Variants in TAF5 observed in about 807,000 individuals in gnomAD.
The protein encoded by TAF5 is TATA-box binding protein associated factor 5.
TAF5 carries 20 observed loss-of-function variants against 80.9 expected under a neutral mutation model. The ratio of observed to expected loss-of-function variants is 0.25; its 90% CI spans 0.17 to 0.36. TAF5 has a LOEUF of 0.36. Ranked by LOEUF, TAF5 falls within the 10% of genes least tolerant of loss-of-function variation. TAF5 has a pLI of 1.00. For synonymous variants in TAF5, 388 were observed against 406.4 expected (o/e 0.95, Z 0.55); for missense variants, 863 against 1,029.4 (o/e 0.84, Z 2.21).
chr10:103,382,707 G>C (rs1365556094), intron 6 of TAF5, among the ~76,000 whole-genome samples: 2 of 151,078 alleles, frequency 1.3e-5, no homozygotes, highest in Admixed American at 1.3e-4. Flanking sequence ...GAATGCAGTG[G>C]TGTGATCACG....
intron 7 of TAF5, among the ~76,000 whole-genome samples, chr10:103,384,891 A>C (rs183105312): frequency 1.1e-4 from 16 of 152,166 alleles, no homozygotes; most frequent in Admixed American, 7.8e-4. Flanking sequence ...TTTCCTTTTT[A>C]ATTCTTACAT....
intron 7 of TAF5, 72 bp from the exon 8 acceptor site, chr10:103,385,254 A>G: frequency 8.3e-7 from 1 of 1,209,454 alleles, no homozygotes; most frequent in Admixed American, 2.1e-5. Context: ...AATGTATTCA[A>G]ATGTATATAA....
At chr10:103,373,318 A>G (rs1186836673) in intron 1 of TAF5, 40 bp from the exon 2 acceptor site, 1 of 1,548,304 alleles carries the variant, frequency 6.5e-7, no homozygotes, top group Non-Finnish European at 8.9e-7. Flanking sequence ...ACATGGTCAT[A>G]ATAGGTCATT....
At chr10:103,386,277 G>GAA (rs1025452165) in intron 8 of TAF5, among the ~76,000 whole-genome samples, 5 of 144,636 alleles carry the variant, frequency 3.5e-5, no homozygotes, top group African/African-American at 1.3e-4. Flanking sequence ...CGTCTCTACT[G>GAA]AAAAAAAAAA....
At chr10:103,382,879 C>T (rs1006168456) in intron 6 of TAF5, among the ~76,000 whole-genome samples, 1 of 152,128 alleles carries the variant, frequency 6.6e-6, no homozygotes, top group African/African-American at 2.4e-5. Context: ...CTCCTCTGGG[C>T]TCAAGCAATC....
At chr10:103,387,959 G>A (rs2093401546) in intron 10 of TAF5, 47 bp from the exon 11 acceptor site, 3 of 1,548,844 alleles carry the variant, frequency 1.9e-6, no homozygotes, top group South Asian at 2.3e-5. Flanking sequence ...ATGTCCGAAT[G>A]TAAATATGAT....
chr10:103,381,937 A>T, intron 6 of TAF5, 96 bp downstream of exon 6: 1 of 1,509,636 alleles, frequency 6.6e-7, no homozygotes, highest in South Asian at 1.2e-5. Context: ...TCTTTACAGA[A>T]ATTCACTTGA....
rs143401252 is a variant in TAF5 at position 103,378,290 on chromosome 10, C to G, written c.853C>G (p.Leu285Val). The change falls in exon 3 of 11, where the codon CTT becomes GTT. Residue 285 changes from leucine to valine, a missense_variant. Around this residue, in one of 3 missense-constraint regions of TAF5, gnomAD observed 128 missense variants for 232.2 expected, o/e 0.55. Transcript: ENST00000369839. The surrounding 1 kb of genome is among the most constrained non-coding windows in gnomAD (Gnocchi z 4.1). Reference protein sequence around the residue: ...YQDDLRVLSSLTKKEHMKGNE... With the variant: ...YQDDLRVLSSVTKKEHMKGNE... Reference sequence around the variant, plus strand: ...GGATGACCTACGAGTATTATCTAGTCTTACCAAAAAGGAACACATGAAAGG... The same window carrying G: ...GGATGACCTACGAGTATTATCTAGTGTTACCAAAAAGGAACACATGAAAGG... The G allele has an allele frequency of 4.3e-4, 696 of 1,614,132 alleles. 4 individuals are homozygous for G. The highest frequency in any genetic ancestry group is 4.7e-4 in the East Asian group (21 of 44,890).
At chr10:103,376,842 G>A (rs568242516) in intron 2 of TAF5, among the ~76,000 whole-genome samples, 7 of 152,220 alleles carry the variant, frequency 4.6e-5, no homozygotes, top group East Asian at 1.9e-4. Context: ...TCAGGAGTTC[G>A]AGACCATCCT....
At chr10:103,375,119 C>CAAAAAA (rs914374305) in intron 2 of TAF5, among the ~76,000 whole-genome samples, 23 of 80,546 alleles carry the variant, frequency 2.9e-4, no homozygotes, top group Non-Finnish European at 3.8e-4. Context: ...GACCCTGTCT[C>CAAAAAA]AAAAAAAAAA....
At position 103,385,378 on chromosome 10, in the gene TAF5, C is replaced by G. The variant is rs757833303; in HGVS notation, c.1717C>G (p.Gln573Glu). 1 of 1,613,932 alleles carries G rather than the reference C, an allele frequency of 6.2e-7. No individual in the cohort carries two copies. The highest frequency in any genetic ancestry group is 1.1e-5 in the South Asian group (1 of 91,064). ...CGGAACTGTTAGATTGTGGAGCCTT[C>G]AAACATTTACTTGTTTGGTGGGATA... ...EDGTVRLWSL[Q>E]TFTCLVGYKG... The change falls in exon 8 of 11, where the codon CAA becomes GAA. Residue 573 changes from glutamine (Q) to glutamate (E), a missense_variant. By Grantham distance (29) the Gln-to-Glu change is conservative. Transcript: ENST00000369839.
intron 2 of TAF5, 62 bp downstream of exon 2, chr10:103,373,657 A>G (rs901707769): frequency 1.5e-5 from 19 of 1,249,444 alleles, no homozygotes; most frequent in Middle Eastern, 2.1e-4. Flanking sequence ...GTGCGTGCAT[A>G]TGTTTTCACA....
At position 103,373,229 on chromosome 10, in the gene TAF5, G is replaced by A. The variant is rs540093109; in HGVS notation, c.560-129G>A. Reference sequence around the variant, plus strand: ...AAAAAAAAGATTATGTGATTGTGTTGAGGAAGAGACAGTGGGAAGAAAGAG... The same window carrying A: ...AAAAAAAAGATTATGTGATTGTGTTAAGGAAGAGACAGTGGGAAGAAAGAG... On this transcript the variant is annotated intron_variant, in intron 1 of 10. Coordinates refer to ENST00000369839, the MANE Select transcript of TAF5 (RefSeq NM_006951.5). The A allele has an allele frequency of 1.2e-3, 836 of 716,634 alleles. 6 individuals carry two copies. Among genetic ancestry groups the A allele is most frequent in the Admixed American group, 2.1e-3 (83 of 38,860 alleles). 44.4% of individuals were successfully genotyped at this position (716,634 alleles called of 1,614,324 possible).
chr10:103,376,272 G>A (rs2093369867), intron 2 of TAF5, among the ~76,000 whole-genome samples: 1 of 151,858 alleles, frequency 6.6e-6, no homozygotes, highest in East Asian at 2.0e-4. Flanking sequence ...TGTATTTTTA[G>A]TAGAGACAGG....
At chr10:103,381,490 C>T (rs1182322109) in intron 5 of TAF5, among the ~76,000 whole-genome samples, 2 of 152,098 alleles carry the variant, frequency 1.3e-5, no homozygotes, top group Non-Finnish European at 2.9e-5. Flanking sequence ...TGGTCTTGAA[C>T]TCCTAACCTC....
At position 103,378,088 on chromosome 10, in the gene TAF5, TGA is replaced by T. The variant is rs558241426; in HGVS notation, c.798-145_798-144del. ...AAACTGAATTATAGTCATTTTGAAA[TGA>T]GTTACTTCTTATCCTACAGCTTAGT... On this transcript the variant is annotated intron_variant, in intron 2 of 10. Transcript: ENST00000369839. The surrounding 1 kb of genome is among the most constrained non-coding windows in gnomAD (Gnocchi z 4.1). The T allele has an allele frequency of 3.8e-4, 226 of 597,726 alleles. 1 individual carries two copies. The South Asian group carries it at 5.7e-3, about 15-fold the overall frequency. The allele number at this position is 597,726 out of a possible 1,614,324, so 37.0% of individuals were successfully genotyped here. A position where few individuals can be genotyped will look rare whatever the true frequency, so the allele number is the denominator to read the frequency against.
chr10:103,379,288 T>C (rs562129648), intron 3 of TAF5, among the ~76,000 whole-genome samples: 1 of 152,330 alleles, frequency 6.6e-6, no homozygotes. Flanking sequence ...AAAAGGCATA[T>C]CTCTGCTGAA....
intron 7 of TAF5, among the ~76,000 whole-genome samples, chr10:103,383,835 C>T (rs1307990100): frequency 1.3e-5 from 2 of 152,114 alleles, no homozygotes; most frequent in East Asian, 3.9e-4. Flanking sequence ...ACCTCAGCCT[C>T]CCAAAGTGCT....
chr10:103,380,145 T>C, intron 5 of TAF5, 126 bp downstream of exon 5: 4 of 1,138,180 alleles, frequency 3.5e-6, no homozygotes, highest in South Asian at 1.7e-5. Flanking sequence ...TTTTTTTTTT[T>C]CTGAGACAGA....
Sources: allele counts gnomAD v4.1 joint callset (sites outside exome capture counted in the v4.1 genomes callset), GRCh38; gene constraint gnomAD v4.1.1; regional missense constraint gnomAD v4.1.1; non-coding constraint Gnocchi (gnomAD v3.1); transcripts MANE v1.5; gene names NCBI Gene and HGNC (gene_info 2026-07-23, HGNC 2026-07-21).